Variants in POLN observed in about 807,000 individuals in gnomAD.
POLN encodes the protein DNA polymerase N.
Under a neutral mutation model 113.5 loss-of-function variants are expected in POLN, and 108 were observed. That is an observed-to-expected ratio of 0.95 (90% confidence interval 0.81 to 1.12). The LOEUF is 1.12. POLN is among the 50% of genes most tolerant of loss of function. The probability of loss-of-function intolerance (pLI) is 0.00; values close to 1 mark genes in which losing one functional copy is unlikely to be tolerated. For missense variants in POLN, 1,097 were observed against 1,077.1 expected (o/e 1.02, Z -0.26); for synonymous variants, 386 against 391.5 (o/e 0.99, Z 0.17).
At chr4:2,152,654 A>G (rs1030793527) in intron 16 of POLN, among the ~76,000 whole-genome samples, 3 of 152,140 alleles carry the variant, frequency 2.0e-5, no homozygotes, top group South Asian at 2.1e-4. Flanking sequence ...TGTAACCTAC[A>G]TAGTATTTTC....
chr4:2,107,807 G>A (rs1328089227), intron 19 of POLN, among the ~76,000 whole-genome samples: 3 of 152,158 alleles, frequency 2.0e-5, no homozygotes, highest in Non-Finnish European at 4.4e-5. Context: ...ACTGCCGCTG[G>A]GGCCTGGAAT....
intron 2 of POLN, chr4:2,230,850 A>T (rs1734555814): frequency 6.6e-6 from 1 of 152,226 alleles, no homozygotes; most frequent in Admixed American, 6.5e-5. Flanking sequence ...GCTACTTCAA[A>T]TTATTTTAGA....
At chr4:2,080,135 A>T (rs1357611547) in intron 23 of POLN, 9 of 985,516 alleles carry the variant, frequency 9.1e-6, no homozygotes, top group African/African-American at 1.7e-5. Flanking sequence ...GTTAGCTCCC[A>T]GAAGGGGCTC....
At chr4:2,176,438 C>T (rs2108749622) in intron 8 of POLN, 104 bp from the exon 9 acceptor site, 1 of 885,254 alleles carries the variant, frequency 1.1e-6, no homozygotes, top group Non-Finnish European at 1.7e-6. Context: ...TAGTAAAATC[C>T]CATGAGGTTT....
intron 6 of POLN, among the ~76,000 whole-genome samples, chr4:2,195,321 C>T (rs1370293324): frequency 6.6e-6 from 1 of 152,052 alleles, no homozygotes; most frequent in Non-Finnish European, 1.5e-5. Context: ...TAAGCACTTG[C>T]TTTGTAGCAT....
chr4:2,193,445 C>A, intron 6 of POLN, 129 bp from the exon 7 acceptor site: 1 of 591,600 alleles, frequency 1.7e-6, no homozygotes, highest in Non-Finnish European at 2.9e-6. Flanking sequence ...TAAAGAATTC[C>A]AAGAGGTCAC....
intron 7 of POLN, among the ~76,000 whole-genome samples, chr4:2,189,410 T>C (rs610209): frequency 0.98 from 149,322 of 152,144 alleles, 73,287 homozygotes; most frequent in East Asian, 1. Flanking sequence ...GAGGCTGAGG[T>C]GGGTGGATCA....
intron 19 of POLN, among the ~76,000 whole-genome samples, chr4:2,113,576 G>A (rs985224052): frequency 1.3e-5 from 2 of 151,106 alleles, no homozygotes; most frequent in African/African-American, 4.8e-5. Flanking sequence ...AAAAAAAAAT[G>A]GCTGGGCATG....
At chr4:2,236,776 T>C (rs892617371) in intron 2 of POLN, among the ~76,000 whole-genome samples, 2 of 151,608 alleles carry the variant, frequency 1.3e-5, no homozygotes, top group African/African-American at 4.9e-5. Context: ...GGCAGGAGGA[T>C]TGCTTGAACT....
At chr4:2,098,652 G>A (rs924126402) in intron 19 of POLN, among the ~76,000 whole-genome samples, 3 of 152,166 alleles carry the variant, frequency 2.0e-5, no homozygotes, top group Admixed American at 2.0e-4. Flanking sequence ...AATATCTAAA[G>A]ATGTGTGTAT....
At position 2,176,465 on chromosome 4, in the gene POLN, T is replaced by C. The variant is rs903548214; in HGVS notation, c.1180-131A>G. 7.6e-6 allele frequency: 5 copies of C among 661,398 alleles called. No homozygotes were observed. In the East Asian group the frequency reaches 1.2e-4, roughly 16 times the overall value. 41.0% of individuals were successfully genotyped at this position (661,398 alleles called of 1,614,324 possible). ...ATGAGGTTTTCAATGGCAGATGTCA[T>C]GTACGTGGTAGTATCACCAAACACC... On this transcript the variant is annotated intron_variant, in intron 8 of 25. Coordinates refer to ENST00000511885, the MANE Select transcript of POLN (RefSeq NM_181808.4).
At chr4:2,095,811 C>G in intron 20 of POLN, 40 bp downstream of exon 20, 1 of 1,573,134 alleles carries the variant, frequency 6.4e-7, no homozygotes, top group Non-Finnish European at 8.7e-7. Context: ...TGCCAGCTTA[C>G]AGGTAACCCC....
At chr4:2,129,473 C>T (rs972362287) in intron 17 of POLN, among the ~76,000 whole-genome samples, 1 of 151,954 alleles carries the variant, frequency 6.6e-6, no homozygotes, top group African/African-American at 2.4e-5. Context: ...ACTGCAGCCT[C>T]GCACTCCAGG....
At chr4:2,080,344 G>T in intron 23 of POLN, 1 of 984,710 alleles carries the variant, frequency 1.0e-6, no homozygotes, top group Non-Finnish European at 1.2e-6. Flanking sequence ...GAGAGCTGTG[G>T]CCTGGGGGGC....
At chr4:2,148,042 T>C (rs1329865174) in intron 16 of POLN, among the ~76,000 whole-genome samples, 1 of 152,172 alleles carries the variant, frequency 6.6e-6, no homozygotes, top group Non-Finnish European at 1.5e-5. Context: ...GCTCCCATTC[T>C]CATGGAATTT....
intron 16 of POLN, among the ~76,000 whole-genome samples, chr4:2,135,487 C>T (rs1446742217): frequency 6.6e-6 from 1 of 152,222 alleles, no homozygotes; most frequent in Non-Finnish European, 1.5e-5. Flanking sequence ...CTGCGCTTCT[C>T]TATGGGCCTC....
chr4:2,179,632 C>T (rs6820321), intron 7 of POLN, among the ~76,000 whole-genome samples, 167 bp from the exon 8 acceptor site: 37,519 of 152,056 alleles, frequency 0.25, 7,150 homozygotes, highest in African/African-American at 0.52. Flanking sequence ...ATTTAGAACC[C>T]TTGATAAGGC....
chr4:2,151,428 AC>A (rs1265130925), intron 16 of POLN, among the ~76,000 whole-genome samples: 1 of 152,230 alleles, frequency 6.6e-6, no homozygotes, highest in East Asian at 1.9e-4. Flanking sequence ...TGAAATCTAC[AC>A]CTACTGTATG....
intron 13 of POLN, among the ~76,000 whole-genome samples, chr4:2,162,108 G>A (rs151185714): frequency 5.2e-4 from 79 of 152,202 alleles, no homozygotes; most frequent in Non-Finnish European, 8.8e-4. Context: ...GCGGCAACCC[G>A]CTCCGGTCCC....
Sources: allele counts gnomAD v4.1 joint callset (sites outside exome capture counted in the v4.1 genomes callset), GRCh38; gene constraint gnomAD v4.1.1; transcripts MANE v1.5; gene names NCBI Gene and HGNC (gene_info 2026-07-23, HGNC 2026-07-21).